Variants in ADGRF5 observed in about 807,000 individuals in gnomAD.
ADGRF5 encodes G-protein coupled receptor 116.
ADGRF5 carries 75 observed loss-of-function variants against 132.3 expected under a neutral mutation model. The ratio of observed to expected loss-of-function variants is 0.57; its 90% confidence interval spans 0.47 to 0.69. The LOEUF is 0.69. ADGRF5 is among the 30% of genes least tolerant of loss of function. The pLI is 0.00. For synonymous variants in ADGRF5, 629 were observed against 597.6 expected, an observed-to-expected ratio of 1.05 and a Z score of -0.77; for missense variants, 1,516 against 1,630.6, an observed-to-expected ratio of 0.93 and a Z score of 1.21.
Position 46,921,766 on chromosome 6 carries a change from A to G in ADGRF5, c.-78T>C, listed in dbSNP as rs1038725637. The G allele has an allele frequency of 1.3e-5, 2 of 152,334 alleles. No homozygotes were observed. Among genetic ancestry groups the G allele is most frequent in the Admixed American group, 6.5e-5 (1 of 15,282 alleles). 9.4% of individuals were successfully genotyped at this position (152,334 alleles called of 1,614,324 possible). A position where few individuals can be genotyped will look rare whatever the true frequency, so the allele number is the denominator to read the frequency against. ...CTCCCGCTCTGATCAGATGCCTAAA[A>G]GCTTCCCAGTTTCCACTATGGGGCC... On this transcript the variant is annotated 5_prime_UTR_variant, in exon 1 of 21. Transcript: ENST00000283296.
At chr6:46,931,193 C>T (rs937650909) in intron 1 of ADGRF5, among the ~76,000 whole-genome samples, 1 of 152,218 alleles carries the variant, frequency 6.6e-6, no homozygotes, top group African/African-American at 2.4e-5. Flanking sequence ...GTGCTGTCCC[C>T]TCTTACTTCC....
At chr6:46,877,317 CCT>C (rs1295275851) in intron 10 of ADGRF5, among the ~76,000 whole-genome samples, 9 of 25,878 alleles carry the variant, frequency 3.5e-4, no homozygotes, top group South Asian at 1.0e-3. Flanking sequence ...TTCCTTCCTT[CCT>C]TCCTTCTTTC....
In ADGRF5 at chr6:46,889,803, T is replaced by C. The variant is rs1320390199; in HGVS notation, c.158-1298A>G. 6.7e-5 allele frequency among the ~76,000 whole-genome samples: 10 copies of C among 148,838 alleles called. No homozygotes were observed. In the South Asian group the frequency reaches 1.1e-3, roughly 16 times the overall value. On this transcript the variant is annotated intron_variant, in intron 3 of 20. Transcript: ENST00000283296. ...GTGTATATATATATATATATATACA[T>C]AGTTTTCTATACCACATCATGTCTG...
intron 3 of ADGRF5, among the ~76,000 whole-genome samples, chr6:46,896,132 C>T (rs73470808): frequency 1.4e-4 from 21 of 152,298 alleles, no homozygotes; most frequent in Middle Eastern, 3.4e-3. Context: ...GCACTAATTT[C>T]TTCGTGTAAT....
chr6:46,868,481 C>T (rs184422936), intron 12 of ADGRF5, among the ~76,000 whole-genome samples: 5 of 152,260 alleles, frequency 3.3e-5, no homozygotes, highest in African/African-American at 1.2e-4. Context: ...TAGAGGTAAA[C>T]AGGAAATTAA....
intron 1 of ADGRF5, among the ~76,000 whole-genome samples, chr6:46,930,393 A>C (rs1582050574): frequency 6.6e-6 from 1 of 152,326 alleles, no homozygotes; most frequent in South Asian, 2.1e-4. Context: ...GTATCTTTGA[A>C]ATGTTTACAT....
At chr6:46,919,856 G>A (rs1026013453) in intron 1 of ADGRF5, among the ~76,000 whole-genome samples, 1 of 152,190 alleles carries the variant, frequency 6.6e-6, no homozygotes, top group Non-Finnish European at 1.5e-5. Flanking sequence ...TCTTGGGTTT[G>A]ATACTGCTTA....
At chr6:46,944,607 C>T (rs1220657503) in intron 1 of ADGRF5, among the ~76,000 whole-genome samples, 1 of 152,206 alleles carries the variant, frequency 6.6e-6, no homozygotes, top group Admixed American at 6.5e-5. Flanking sequence ...CTAGACCACA[C>T]TTGCACAAAC....
At chr6:46,913,249 G>C (rs966429803) in intron 1 of ADGRF5, among the ~76,000 whole-genome samples, 1 of 152,114 alleles carries the variant, frequency 6.6e-6, no homozygotes, top group Non-Finnish European at 1.5e-5. Context: ...TTTAATCCCA[G>C]CACTTTGGAA....
intron 3 of ADGRF5, among the ~76,000 whole-genome samples, chr6:46,898,863 C>T (rs1774450980): frequency 6.6e-6 from 1 of 152,182 alleles, no homozygotes; most frequent in South Asian, 2.1e-4. Flanking sequence ...TACAGACACT[C>T]AGCCAGCAGA....
At chr6:46,900,223 CT>C in intron 2 of ADGRF5, 140 bp from the exon 3 acceptor site, 1 of 670,692 alleles carries the variant, frequency 1.5e-6, no homozygotes, top group Admixed American at 2.3e-5. Context: ...CCCGTGGATG[CT>C]GGGCACATAG....
Position 46,937,221 on chromosome 6 carries a change from AGTGT to A in ADGRF5, c.-25+17509_-25+17512del, listed in dbSNP as rs10558166. On this transcript the variant is annotated intron_variant, in intron 1 of 20. Coordinates refer to the ADGRF5 transcript ENST00000265417. Reference sequence around the variant, plus strand: ...ATGAAGCAAGGTACAGGCAATAAGGAGTGTGTGTGTGTGTGTGTGTGTGTGTGTG... The same window carrying A: ...ATGAAGCAAGGTACAGGCAATAAGGAGTGTGTGTGTGTGTGTGTGTGTGTG... Among the ~76,000 whole-genome samples, 1,144 of 146,600 alleles carry A rather than the reference AGTGT, an allele frequency of 7.8e-3. 4 individuals are homozygous for A. The highest frequency in any genetic ancestry group is 0.016 in the African/African-American group (643 of 39,618).
chr6:46,934,924 A>G (rs145584163), intron 1 of ADGRF5, among the ~76,000 whole-genome samples: 45 of 151,880 alleles, frequency 3.0e-4, no homozygotes, highest in African/African-American at 1.1e-3. Context: ...TAGAACTTAG[A>G]CCTTCAATAG....
At chr6:46,874,054 C>A (rs899276339) in intron 10 of ADGRF5, among the ~76,000 whole-genome samples, 1 of 152,218 alleles carries the variant, frequency 6.6e-6, no homozygotes, top group Non-Finnish European at 1.5e-5. Flanking sequence ...TTTGCCCCTG[C>A]AATCTATTGG....
intron 20 of ADGRF5, chr6:46,854,591 C>A: frequency 2.1e-6 from 1 of 485,926 alleles, no homozygotes; most frequent in Non-Finnish European, 3.9e-6. Flanking sequence ...TGAGAATCAG[C>A]GCAGCAAGGA....
chr6:46,860,130 G>C (rs774914633), intron 16 of ADGRF5, among the ~76,000 whole-genome samples: 4 of 152,108 alleles, frequency 2.6e-5, no homozygotes, highest in Non-Finnish European at 5.9e-5. Flanking sequence ...GACTGGTCCC[G>C]CCTCTAAGTC....
intron 1 of ADGRF5, among the ~76,000 whole-genome samples, chr6:46,931,013 C>T (rs1406451791): frequency 6.6e-6 from 1 of 152,084 alleles, no homozygotes; most frequent in Non-Finnish European, 1.5e-5. Flanking sequence ...GTGATCACAC[C>T]ACTGCACCCC....
intron 11 of ADGRF5, chr6:46,870,991 T>C (rs914133964): frequency 2.6e-5 from 4 of 156,842 alleles, no homozygotes; most frequent in Non-Finnish European, 4.1e-5. Flanking sequence ...ATATATTATA[T>C]ATTATAGATA....
intron 11 of ADGRF5, chr6:46,870,774 ATAGAGG>A (rs1320822191): frequency 7.2e-6 from 3 of 414,716 alleles, no homozygotes; most frequent in African/African-American, 2.1e-5. Context: ...AGTTTTGTGG[ATAGAGG>A]TAAAGTTATG....
Sources: allele counts gnomAD v4.1 joint callset (sites outside exome capture counted in the v4.1 genomes callset), GRCh38; gene constraint gnomAD v4.1.1; transcripts MANE v1.5; gene names NCBI Gene and HGNC (gene_info 2026-07-23, HGNC 2026-07-21).